The following FBXL13 variants were observed in gnomAD, a reference collection of about 807,000 sequenced individuals.
FBXL13 encodes the protein F-box and leucine rich repeat protein 13, also known as F-box and leucine-rich repeat protein 13.
In FBXL13, 67 loss-of-function variants were observed where a neutral mutation model predicts 83.6. That is an observed-to-expected ratio of 0.80 (90% CI 0.66 to 0.98). The LOEUF is 0.98. Ranked by LOEUF, FBXL13 falls within the 50% of genes least tolerant of loss-of-function variation. The pLI is 0.00. For missense variants in FBXL13, 822 were observed against 866.5 expected (o/e 0.95, Z 0.64); for synonymous variants, 272 against 299.5 (o/e 0.91, Z 0.95).
chr7:102,953,251 CA>C (rs1823702692), intron 8 of FBXL13, among the ~76,000 whole-genome samples: 2 of 151,764 alleles, frequency 1.3e-5, no homozygotes, highest in Admixed American at 6.6e-5. Context: ...CAAATATCCT[CA>C]AAAAATATTA....
At chr7:102,985,602 A>G (rs1220863707) in intron 6 of FBXL13, among the ~76,000 whole-genome samples, 1 of 152,250 alleles carries the variant, frequency 6.6e-6, no homozygotes, top group African/African-American at 2.4e-5. Context: ...GAGCTGGAAG[A>G]CATAGCTGAC....
At chr7:102,854,113 A>T (rs1176973625) in intron 17 of FBXL13, among the ~76,000 whole-genome samples, 1 of 152,072 alleles carries the variant, frequency 6.6e-6, no homozygotes, top group Non-Finnish European at 1.5e-5. Flanking sequence ...AAAGACTTAG[A>T]ACCAACCCAA....
chr7:102,946,151 G>A (rs983258374), intron 8 of FBXL13, among the ~76,000 whole-genome samples: 4 of 152,130 alleles, frequency 2.6e-5, no homozygotes, highest in African/African-American at 2.4e-5. Flanking sequence ...CAAAGTGCTG[G>A]GATTACAGGC....
At chr7:102,889,912 G>A (rs898635119) in intron 11 of FBXL13, among the ~76,000 whole-genome samples, 1 of 151,292 alleles carries the variant, frequency 6.6e-6, no homozygotes, top group Non-Finnish European at 1.5e-5. Flanking sequence ...GAGGGAAAAC[G>A]ATAGCAAAAA....
Position 102,963,526 on chromosome 7 carries a change from T to C in FBXL13, c.724+7A>G. On this transcript the variant is annotated splice_region_variant and intron_variant, in intron 8 of 19. Coordinates refer to ENST00000313221, the Ensembl canonical transcript of FBXL13. ...GCAAGACAAATAGTTGTAATGAACA[T>C]ACTTACTGACAGATCTGAAAGTTTT... The C allele has an allele frequency of 1.9e-6, 3 of 1,609,966 alleles. No homozygotes were observed. Among genetic ancestry groups the C allele is most frequent in the African/African-American group, 2.7e-5 (2 of 74,822 alleles).
Position 102,863,513 on chromosome 7 carries a change from T to TG in FBXL13, c.1636-8654dup, listed in dbSNP as rs11316569. Among the ~76,000 whole-genome samples, 710 of 142,776 alleles carry TG rather than the reference T, an allele frequency of 5.0e-3. 1 individual carries two copies. Among genetic ancestry groups the TG allele is most frequent in the Admixed American group, 7.7e-3 (105 of 13,724 alleles). 93.7% of individuals were successfully genotyped at this position (142,776 alleles called of 152,430 possible). On this transcript the variant is annotated intron_variant, in intron 16 of 19. Coordinates refer to ENST00000313221, the Ensembl canonical transcript of FBXL13. The stretch of plus-strand genomic sequence containing the variant: ...TTTGCTGTGATAGAGGGGATAAAAT[T>TG]GGGGGGGGGGATGGTACTGAAAATC...
chr7:102,960,795 TA>T (rs1825068409), intron 8 of FBXL13, among the ~76,000 whole-genome samples: 1 of 151,708 alleles, frequency 6.6e-6, no homozygotes, highest in African/African-American at 2.4e-5. Context: ...CCTTTCATGC[TA>T]AAAACTCTCA....
At chr7:102,879,143 T>C (rs1227182017) in intron 14 of FBXL13, among the ~76,000 whole-genome samples, 2 of 152,202 alleles carry the variant, frequency 1.3e-5, no homozygotes, top group African/African-American at 4.8e-5. Context: ...CTAAGAAGCA[T>C]TTCAGCAAAT....
chr7:102,942,876 G>A (rs1366867148), intron 8 of FBXL13, among the ~76,000 whole-genome samples: 1 of 152,104 alleles, frequency 6.6e-6, no homozygotes, highest in African/African-American at 2.4e-5. Context: ...ATGAGATAAT[G>A]TTTGAAATAG....
chr7:102,926,548 T>G (rs990964523), intron 9 of FBXL13, among the ~76,000 whole-genome samples, 174 bp from the exon 11 acceptor site: 1 of 152,230 alleles, frequency 6.6e-6, no homozygotes, highest in African/African-American at 2.4e-5. Flanking sequence ...AAGCCAATGC[T>G]TTTGCTCAAA....
At chr7:102,934,605 C>G (rs1183748392) in intron 8 of FBXL13, 2 of 1,613,910 alleles carry the variant, frequency 1.2e-6, no homozygotes, top group Non-Finnish European at 1.7e-6. Context: ...GGGAGACCCC[C>G]AGTCATCAAG....
At chr7:102,994,826 G>T (rs574106833) in intron 6 of FBXL13, among the ~76,000 whole-genome samples, 2 of 152,198 alleles carry the variant, frequency 1.3e-5, no homozygotes, top group South Asian at 4.1e-4. Flanking sequence ...CACGTGGACA[G>T]AAACTGTTAG....
intron 8 of FBXL13, among the ~76,000 whole-genome samples, chr7:102,946,694 T>A (rs1016453636): frequency 7.1e-6 from 1 of 139,988 alleles, no homozygotes; most frequent in African/African-American, 2.9e-5. Context: ...TTATTTATTT[T>A]GAGACAGTCT....
chr7:103,033,177 TTTTTC>T (rs1251711032), intron 2 of FBXL13, among the ~76,000 whole-genome samples: 2 of 152,196 alleles, frequency 1.3e-5, no homozygotes, highest in African/African-American at 4.8e-5. Context: ...TTTGTTTTTG[TTTTTC>T]TTTTTTTTCT....
intron 16 of FBXL13, among the ~76,000 whole-genome samples, chr7:102,868,212 T>A (rs999582347): frequency 2.0e-5 from 3 of 152,144 alleles, no homozygotes; most frequent in Admixed American, 6.5e-5. Context: ...TACATTATTG[T>A]TAACTATAGT....
rs146510960 is a variant in FBXL13 at position 102,947,733 on chromosome 7, C to T, written c.724+15800G>A. Among the ~76,000 whole-genome samples, 568 of 151,974 alleles carry T rather than the reference C, an allele frequency of 3.7e-3. 5 individuals carry two copies. Among genetic ancestry groups the T allele is most frequent in the African/African-American group, 0.014 (561 of 41,440 alleles). On this transcript the variant is annotated intron_variant, in intron 8 of 19. Coordinates refer to ENST00000313221, the Ensembl canonical transcript of FBXL13. Reference sequence around the variant, plus strand: ...TACAGTAGTAAAAAATACTACTATCCTGAGATATACCTATTTGAACGTATA... The same window carrying T: ...TACAGTAGTAAAAAATACTACTATCTTGAGATATACCTATTTGAACGTATA...
chr7:102,844,007 C>G lies in FBXL13; in HGVS notation c.1719+10770G>C, dbSNP rs376065056. Among the ~76,000 whole-genome samples the G allele has an allele frequency of 2.7e-4, 41 of 152,222 alleles. No homozygotes were observed. In the East Asian group the frequency reaches 7.3e-3, roughly 27 times the overall value. ...TAAAATTCATCAGTGGTGTCATCTG[C>G]AAGATATTAGTAAACCAGCTTGTGA... is the stretch of plus-strand genomic sequence containing the variant. On this transcript the variant is annotated intron_variant, in intron 17 of 19. Coordinates refer to ENST00000313221, the Ensembl canonical transcript of FBXL13.
At chr7:102,965,604 C>T (rs1414127547) in intron 7 of FBXL13, among the ~76,000 whole-genome samples, 1 of 152,164 alleles carries the variant, frequency 6.6e-6, no homozygotes, top group Admixed American at 6.5e-5. Flanking sequence ...CTGGCAATTT[C>T]TAATATGAAA....
At chr7:103,054,676 G>C (rs544233605) in intron 2 of FBXL13, among the ~76,000 whole-genome samples, 1 of 152,274 alleles carries the variant, frequency 6.6e-6, no homozygotes, top group East Asian at 1.9e-4. Flanking sequence ...AACCTAATCT[G>C]AGAAGGCAGA....
Sources: allele counts gnomAD v4.1 joint callset (sites outside exome capture counted in the v4.1 genomes callset), GRCh38; gene constraint gnomAD v4.1.1; transcripts MANE v1.5; gene names NCBI Gene and HGNC (gene_info 2026-07-23, HGNC 2026-07-21).